Variants in TXNDC16 observed in about 807,000 individuals in gnomAD.
TXNDC16 encodes thioredoxin domain containing 16.
TXNDC16 carries 74 observed loss-of-function variants against 85.6 expected under a neutral mutation model. The observed-to-expected ratio is 0.86, with a 90% confidence interval of 0.72 to 1.05. The LOEUF is 1.05. TXNDC16 is among the 50% of genes least tolerant of loss of function. The probability of loss-of-function intolerance (pLI) is 0.00; values close to 1 mark genes in which losing one functional copy is unlikely to be tolerated. For synonymous variants in TXNDC16, 335 were observed against 326.5 expected (o/e 1.03, Z -0.28); for missense variants, 959 against 947.0 (o/e 1.01, Z -0.17).
At chr14:52,516,557 G>T (rs928002040) in intron 7 of TXNDC16, among the ~76,000 whole-genome samples, 1 of 152,106 alleles carries the variant, frequency 6.6e-6, no homozygotes, top group Non-Finnish European at 1.5e-5. Flanking sequence ...TTCAAAATAG[G>T]ACGTCTTAGT....
chr14:52,507,045 T>C (rs1343249533), intron 9 of TXNDC16, among the ~76,000 whole-genome samples: 2 of 152,032 alleles, frequency 1.3e-5, no homozygotes, highest in African/African-American at 4.8e-5. Context: ...TTCAACATAG[T>C]GTTGGAAGTT....
intron 9 of TXNDC16, among the ~76,000 whole-genome samples, chr14:52,500,353 T>G (rs1313577100): frequency 6.6e-6 from 1 of 152,154 alleles, no homozygotes. Flanking sequence ...ATAAGCCAAC[T>G]GCAAAAACAA....
chr14:52,466,010 T>C (rs974179551), intron 16 of TXNDC16, among the ~76,000 whole-genome samples: 1 of 152,182 alleles, frequency 6.6e-6, no homozygotes, highest in African/African-American at 2.4e-5. Context: ...GTGTTCACTG[T>C]ACAATTCTTT....
At chr14:52,502,931 C>T (rs1359418180) in intron 9 of TXNDC16, among the ~76,000 whole-genome samples, 1 of 152,188 alleles carries the variant, frequency 6.6e-6, no homozygotes, top group Non-Finnish European at 1.5e-5. Flanking sequence ...GATTATATCC[C>T]GCGCTTGAGG....
chr14:52,543,839 A>G (rs917068803), intron 2 of TXNDC16, among the ~76,000 whole-genome samples: 1 of 152,216 alleles, frequency 6.6e-6, no homozygotes, highest in East Asian at 1.9e-4. Flanking sequence ...AGATATCAAA[A>G]CTACCTAGAA....
chr14:52,484,100 A>G (rs2036210089), intron 12 of TXNDC16, among the ~76,000 whole-genome samples: 1 of 151,694 alleles, frequency 6.6e-6, no homozygotes, highest in South Asian at 2.1e-4. Flanking sequence ...AATAGTATTA[A>G]TTATGTTAAT....
Position 52,432,365 on chromosome 14 carries a change from A to T in TXNDC16, c.2417T>A (p.Phe806Tyr), listed in dbSNP as rs1279871930. The change falls in exon 21 of 21, where the codon TTT becomes TAT. Residue 806 changes from phenylalanine to tyrosine, a missense_variant. Phe to Tyr is a conservative substitution (Grantham distance 22). Transcript: ENST00000281741. ...RIKHWNRSNWFKEAEKSFRRD... is the reference protein window; with the variant it reads ...RIKHWNRSNWYKEAEKSFRRD... ...TCTAAATGATTTTTCTGCTTCTTTA[A>T]ACCAATTACTTCTATTCCAATGCTT... is the stretch of plus-strand genomic sequence containing the variant. The T allele has an allele frequency of 6.2e-7, 1 of 1,613,708 alleles. No individual in the cohort carries two copies. Among genetic ancestry groups the T allele is most frequent in the African/African-American group, 1.3e-5 (1 of 74,912 alleles).
chr14:52,492,811 A>G lies in TXNDC16; in HGVS notation c.757-1806T>C, dbSNP rs1225856122. ...ACCTTCTCACCATTCCCCCTTCCCAACCCTCCTCGGCCCAGTCAGCCAAAG... is the reference window on the plus strand; with the variant it reads ...ACCTTCTCACCATTCCCCCTTCCCAGCCCTCCTCGGCCCAGTCAGCCAAAG... On this transcript the variant is annotated intron_variant, in intron 9 of 20. Coordinates refer to ENST00000281741, the MANE Select transcript of TXNDC16 (RefSeq NM_020784.3). 3.3e-5 allele frequency among the ~76,000 whole-genome samples: 5 copies of G among 151,244 alleles called. No individual in the cohort carries two copies. The East Asian group carries it at 9.8e-4, about 29-fold the overall frequency.
At chr14:52,541,158 C>T (rs2037822375) in intron 4 of TXNDC16, among the ~76,000 whole-genome samples, 1 of 152,026 alleles carries the variant, frequency 6.6e-6, no homozygotes, top group Non-Finnish European at 1.5e-5. Context: ...ATCGCTTGAA[C>T]CTGGGAGGCG....
intron 5 of TXNDC16, 72 bp from the exon 6 acceptor site, chr14:52,536,865 T>C: frequency 3.9e-6 from 5 of 1,284,154 alleles, no homozygotes; most frequent in Non-Finnish European, 5.5e-6. Flanking sequence ...AATTTACTTG[T>C]CTATCAAATA....
chr14:52,530,251 TA>T (rs1414611900), intron 6 of TXNDC16, among the ~76,000 whole-genome samples: 23 of 38,782 alleles, frequency 5.9e-4, no homozygotes, highest in African/African-American at 3.9e-3. Context: ...ATATATAATA[TA>T]TATTATATAA....
intron 6 of TXNDC16, among the ~76,000 whole-genome samples, chr14:52,531,838 G>T (rs966892811): frequency 3.3e-5 from 5 of 152,104 alleles, no homozygotes; most frequent in African/African-American, 7.2e-5. Flanking sequence ...TTCATCAATT[G>T]TAACAACTGT....
intron 9 of TXNDC16, among the ~76,000 whole-genome samples, chr14:52,493,842 G>T (rs988774211): frequency 6.6e-6 from 1 of 151,898 alleles, no homozygotes; most frequent in Non-Finnish European, 1.5e-5. Context: ...GCAGTGTCAG[G>T]ATCTCAGCTC....
chr14:52,527,190 C>T (rs1306143447), intron 6 of TXNDC16, among the ~76,000 whole-genome samples: 1 of 152,206 alleles, frequency 6.6e-6, no homozygotes, highest in Non-Finnish European at 1.5e-5. Flanking sequence ...CAATTTATAG[C>T]TGTTCAGACA....
chr14:52,483,822 G>A (rs1209294970), intron 12 of TXNDC16, among the ~76,000 whole-genome samples: 4 of 152,146 alleles, frequency 2.6e-5, no homozygotes, highest in Admixed American at 6.5e-5. Flanking sequence ...TAAATATTCT[G>A]TTGGAAGTTT....
intron 1 of TXNDC16, among the ~76,000 whole-genome samples, chr14:52,545,403 A>G (rs1419692677): frequency 6.6e-6 from 1 of 152,218 alleles, no homozygotes; most frequent in African/African-American, 2.4e-5. Flanking sequence ...TTAGGAACTC[A>G]GTAATAATCT....
intron 16 of TXNDC16, among the ~76,000 whole-genome samples, chr14:52,457,428 T>C (rs1035597489): frequency 1.3e-5 from 2 of 152,210 alleles, no homozygotes; most frequent in Non-Finnish European, 1.5e-5. Flanking sequence ...ATGTAATTCA[T>C]AAGCTTTATA....
intron 14 of TXNDC16, among the ~76,000 whole-genome samples, chr14:52,481,145 G>A (rs1407629805): frequency 6.6e-6 from 1 of 151,806 alleles, no homozygotes; most frequent in Admixed American, 6.6e-5. Flanking sequence ...AAGCTATGAG[G>A]ATGCAAGGGC....
At chr14:52,444,858 A>T (rs1338711383) in intron 18 of TXNDC16, among the ~76,000 whole-genome samples, 1 of 152,124 alleles carries the variant, frequency 6.6e-6, no homozygotes, top group Non-Finnish European at 1.5e-5. Flanking sequence ...GATACACCCA[A>T]AGATTACCTA....
Sources: gnomAD v4.1 joint callset for allele counts (sites outside exome capture counted in the v4.1 genomes callset) on GRCh38, gnomAD v4.1.1 for gene constraint, MANE v1.5 for transcripts, NCBI Gene and HGNC (gene_info 2026-07-23, HGNC 2026-07-21) for gene names.